Variants in PTPRS observed in about 807,000 individuals in gnomAD.
PTPRS encodes the protein protein tyrosine phosphatase receptor type S.
A neutral mutation model predicts 215.3 loss-of-function variants in PTPRS; 63 were observed. The ratio of observed to expected loss-of-function variants is 0.29; its 90% CI spans 0.24 to 0.36. PTPRS has a LOEUF of 0.36. Among genes scored for constraint, PTPRS ranks in the 10% least tolerant of loss-of-function variants. The pLI, the probability that PTPRS is intolerant of heterozygous loss-of-function variation, is 1.00. For synonymous variants in PTPRS, 1,404 were observed against 1,191.4 expected (o/e 1.18, Z -3.68); for missense variants, 2,258 against 2,825.8 (o/e 0.80, Z 4.56).
chr19:5,279,536 T>C (rs2146731839), intron 2 of PTPRS, among the ~76,000 whole-genome samples: 1 of 152,000 alleles, frequency 6.6e-6, no homozygotes, highest in Non-Finnish European at 1.5e-5. Flanking sequence ...CACATGCGGC[T>C]AATTTTTAAT....
chr19:5,229,944 G>C (rs2042884711), intron 14 of PTPRS, among the ~76,000 whole-genome samples: 1 of 148,204 alleles, frequency 6.7e-6, no homozygotes, highest in Admixed American at 7.0e-5. Context: ...AGGGCCTCCA[G>C]ACACCCTCTT....
At chr19:5,256,084 T>TA in intron 9 of PTPRS, 24 bp downstream of exon 9, 1 of 1,507,960 alleles carries the variant, frequency 6.6e-7, no homozygotes, top group Non-Finnish European at 9.2e-7. Flanking sequence ...GTAAAGAAAG[T>TA]AAAAAAGAAA....
chr19:5,220,328 G>A lies in PTPRS; in HGVS notation c.3481C>T (p.Leu1161=). The change falls in exon 21 of 38, where the codon CTG becomes TTG. Residue 1161 remains leucine (L), a synonymous_variant. Transcript: ENST00000262963. The part of the protein sequence containing the change: ...VQSYFIVMVP[L]RKSRGGQFLT... ...AATTGGCCTCCACGAGACTTGCGCA[G>A]TGGCACCATCACAATGAAATAGCTC... is the stretch of plus-strand genomic sequence containing the variant. The A allele has an allele frequency of 6.2e-7, 1 of 1,613,994 alleles. No individual in the cohort carries two copies.
chr19:5,255,268 G>A (rs1033849909), intron 9 of PTPRS, among the ~76,000 whole-genome samples: 8 of 152,198 alleles, frequency 5.3e-5, no homozygotes, highest in African/African-American at 1.9e-4. Flanking sequence ...CTGACCTCCT[G>A]CCATCTGTCT....
chr19:5,315,351 G>GTTTTTTTTTTTTTTTTT (rs952833168), intron 1 of PTPRS, among the ~76,000 whole-genome samples: 1 of 79,802 alleles, frequency 1.3e-5, no homozygotes, highest in Non-Finnish European at 2.2e-5. Flanking sequence ...TTTGAAAAGG[G>GTTTTTTTTTTTTTTTTT]TTTTTTTTTT....
intron 18 of PTPRS, 63 bp downstream of exon 18, chr19:5,222,626 G>A (rs1445746784): frequency 1.4e-6 from 2 of 1,423,868 alleles, no homozygotes; most frequent in South Asian, 1.5e-5. Flanking sequence ...GAGGGAGGGG[G>A]CTGGGGTGGG....
intron 6 of PTPRS, among the ~76,000 whole-genome samples, chr19:5,261,332 G>A (rs368483199): frequency 2.2e-4 from 33 of 152,282 alleles, no homozygotes; most frequent in East Asian, 7.7e-4. Context: ...GTGCCCCAGT[G>A]CCGGGCATTA....
At chr19:5,213,870 G>C (rs904699932) in intron 30 of PTPRS, among the ~76,000 whole-genome samples, 1 of 152,034 alleles carries the variant, frequency 6.6e-6, no homozygotes, top group South Asian at 2.1e-4. Flanking sequence ...ACCACAGATG[G>C]AGAAAAACAG....
chr19:5,232,360 A>AG (rs1443359567), intron 13 of PTPRS, among the ~76,000 whole-genome samples: 2 of 150,904 alleles, frequency 1.3e-5, no homozygotes, highest in African/African-American at 4.9e-5. Flanking sequence ...CACCATACCA[A>AG]GGGGAATGGC....
intron 1 of PTPRS, among the ~76,000 whole-genome samples, chr19:5,291,677 G>A (rs1212194187): frequency 6.6e-6 from 1 of 151,946 alleles, no homozygotes; most frequent in East Asian, 1.9e-4. Flanking sequence ...TCCCCCACCT[G>A]GCACACCCTT....
At chr19:5,219,026 T>C (rs1327712953) in intron 23 of PTPRS, 2 of 630,252 alleles carry the variant, frequency 3.2e-6, no homozygotes, top group Non-Finnish European at 5.5e-6. Flanking sequence ...GCCACTACAA[T>C]TGCTATCCTC....
chr19:5,224,680 AAC>A (rs1271657902), intron 17 of PTPRS, among the ~76,000 whole-genome samples: 1 of 152,120 alleles, frequency 6.6e-6, no homozygotes, highest in Non-Finnish European at 1.5e-5. Flanking sequence ...CTGCTTAGCA[AAC>A]ACAGCTCTAA....
In PTPRS at chr19:5,340,735, G is replaced by A. The variant is rs1328322462; in HGVS notation, c.-166C>T. The A allele has an allele frequency of 2.0e-5, 3 of 150,220 alleles. No individual in the cohort carries two copies. Among genetic ancestry groups the A allele is most frequent in the African/African-American group, 7.3e-5 (3 of 41,096 alleles). The allele number at this position is 150,220 out of a possible 1,614,324, so 9.3% of individuals were successfully genotyped here. A position where few individuals can be genotyped will look rare whatever the true frequency, so the allele number is the denominator to read the frequency against. On this transcript the variant is annotated 5_prime_UTR_variant, in exon 1 of 38. Coordinates refer to ENST00000262963, the MANE Select transcript of PTPRS (RefSeq NM_002850.4). ...ATCGTGGCTGTTGCATGGGATCCGA[G>A]CGGAGCCCGAGCGCCAGCGGCTCGC...
intron 1 of PTPRS, among the ~76,000 whole-genome samples, chr19:5,319,341 G>A (rs1216953713): frequency 6.6e-6 from 1 of 152,052 alleles, no homozygotes; most frequent in Admixed American, 6.6e-5. Context: ...AGCCCAGGAG[G>A]TGGAGGTTGC....
intron 11 of PTPRS, 127 bp from the exon 12 acceptor site, chr19:5,240,459 C>T (rs2043936832): frequency 1.0e-6 from 1 of 965,830 alleles, no homozygotes; most frequent in Non-Finnish European, 1.4e-6. Context: ...TTTTATTTTC[C>T]TGGGGACCTC....
chr19:5,266,065 A>C (rs1246855995), intron 4 of PTPRS, among the ~76,000 whole-genome samples: 5 of 152,152 alleles, frequency 3.3e-5, no homozygotes, highest in Non-Finnish European at 1.5e-5. Context: ...TTTAAGACCC[A>C]GCCTGGCCCA....
Position 5,214,384 on chromosome 19 carries a change from C to T in PTPRS, c.4591G>A (p.Val1531Ile), listed in dbSNP as rs772384138. The T allele has an allele frequency of 1.9e-5, 31 of 1,614,024 alleles. No homozygotes were observed. Among genetic ancestry groups the T allele is most frequent in the South Asian group, 6.6e-5 (6 of 91,090 alleles). Residue 1531 changes from valine to isoleucine, a missense_variant, in exon 30 of 38, where the codon GTC becomes ATC. By Grantham distance (29) the Val-to-Ile change is conservative. Around this residue, in one of 6 missense-constraint regions of PTPRS, gnomAD observed 927 missense variants for 1,125.9 expected, o/e 0.82. Coordinates refer to ENST00000262963, the MANE Select transcript of PTPRS (RefSeq NM_002850.4). The part of the protein sequence containing the change: ...LDTIELATFC[V>I]RTFSLHKNGS... ...ACCTTGTGCAGAGAGAATGTCCTGACGCAGAATGTGGCCAGCTCGATGGTA... is the reference window on the plus strand; with the variant it reads ...ACCTTGTGCAGAGAGAATGTCCTGATGCAGAATGTGGCCAGCTCGATGGTA...
chr19:5,306,479 T>C (rs1344541101), intron 1 of PTPRS, among the ~76,000 whole-genome samples: 1 of 152,082 alleles, frequency 6.6e-6, no homozygotes, highest in East Asian at 1.9e-4. Context: ...GAAAATGATA[T>C]TCTGTTCGAA....
chr19:5,327,158 C>T (rs781518992), intron 1 of PTPRS, among the ~76,000 whole-genome samples: 15 of 152,248 alleles, frequency 9.9e-5, no homozygotes, highest in Admixed American at 2.6e-4. Flanking sequence ...CGCCAATCTG[C>T]TCTCCGCACT....
Sources: gnomAD v4.1 joint callset for allele counts (sites outside exome capture counted in the v4.1 genomes callset) on GRCh38, gnomAD v4.1.1 for gene constraint, gnomAD v4.1.1 regional missense constraint, MANE v1.5 for transcripts, NCBI Gene and HGNC (gene_info 2026-07-23, HGNC 2026-07-21) for gene names.